C1orf146: variants seen among roughly 807,000 people sequenced by gnomAD.
The protein encoded by C1orf146 is chromosome 1 open reading frame 146.
A neutral mutation model predicts 23.0 loss-of-function variants in C1orf146; 22 were observed. The ratio of observed to expected loss-of-function variants is 0.96; its 90% CI spans 0.68 to 1.36. The LOEUF (loss-of-function observed/expected upper bound fraction) is 1.36, where lower values mean the gene tolerates loss of function less well. C1orf146 is among the 40% of genes most tolerant of loss of function. The pLI, the probability that C1orf146 is intolerant of heterozygous loss-of-function variation, is 0.00. For synonymous variants in C1orf146, 59 were observed against 65.3 expected (o/e 0.90, Z 0.47); for missense variants, 199 against 206.8 (o/e 0.96, Z 0.23).
chr1:92,230,362 C>T (rs1287895322), intron 1 of C1orf146, among the ~76,000 whole-genome samples: 2 of 151,766 alleles, frequency 1.3e-5, no homozygotes, highest in Non-Finnish European at 2.9e-5. Flanking sequence ...CCTGTAATCC[C>T]AGCACTTTGG....
chr1:92,238,120 G>GTAAA (rs1652341919), intron 2 of C1orf146, among the ~76,000 whole-genome samples: 1 of 151,992 alleles, frequency 6.6e-6, no homozygotes, highest in Non-Finnish European at 1.5e-5. Flanking sequence ...GTAGAGACGG[G>GTAAA]GTTTCACCAT....
intron 2 of C1orf146, among the ~76,000 whole-genome samples, chr1:92,231,776 A>G (rs1652128736): frequency 6.6e-6 from 1 of 151,868 alleles, no homozygotes. Context: ...AACAGTAAAG[A>G]TATGCAAATA....
chr1:92,225,370 G>A (rs1651942017), intron 1 of C1orf146, among the ~76,000 whole-genome samples: 1 of 152,204 alleles, frequency 6.6e-6, no homozygotes. Context: ...GCTCCCCAAA[G>A]TGTTGGGATT....
At position 92,231,450 on chromosome 1, in the gene C1orf146, A is replaced by G. The variant is rs771233199; in HGVS notation, c.30A>G (p.Lys10=). MAESGKEKI[K]WTTTIIISSS... is the part of the protein sequence containing the mutation. ...CTGAAAGTGGAAAAGAAAAAATAAA[A>G]TGGACAACCACCATTATTATTAGCT... Residue 10 remains lysine, a synonymous_variant, in exon 2 of 6, where the codon AAA becomes AAG. Coordinates refer to ENST00000370375, the MANE Select transcript of C1orf146 (RefSeq NM_001012425.2). 7 of 1,611,588 alleles carry G rather than the reference A, an allele frequency of 4.3e-6. No individual in the cohort carries two copies. In the East Asian group the frequency reaches 1.3e-4, roughly 31 times the overall value.
Position 92,222,243 on chromosome 1 carries a change from AAAAT to A in C1orf146, c.-40+4201_-40+4204del, listed in dbSNP as rs546552109. The stretch of plus-strand genomic sequence containing the variant: ...GTGACAGAGTGAGATTCCGTCTCAA[AAAAT>A]AAATACAGGCATTTGTGTGCATGTG... On this transcript the variant is annotated intron_variant, in intron 1 of 5. Transcript: ENST00000370375. Among the ~76,000 whole-genome samples, 18 of 152,316 alleles carry A rather than the reference AAAAT, an allele frequency of 1.2e-4. 1 individual carries two copies. Among genetic ancestry groups the A allele is most frequent in the African/African-American group, 4.1e-4 (17 of 41,568 alleles).
intron 1 of C1orf146, among the ~76,000 whole-genome samples, chr1:92,229,830 AAAAG>A (rs1042088574): frequency 1.6e-4 from 25 of 152,158 alleles, no homozygotes; most frequent in African/African-American, 6.0e-4. Flanking sequence ...ATATATAAGA[AAAAG>A]AAAAAAGTAA....
intron 2 of C1orf146, among the ~76,000 whole-genome samples, chr1:92,235,271 A>C (rs1340811090): frequency 1.3e-5 from 2 of 152,022 alleles, no homozygotes; most frequent in East Asian, 3.8e-4. Context: ...CCCTCTACAC[A>C]CTGCTTTGAA....
intron 1 of C1orf146, among the ~76,000 whole-genome samples, chr1:92,221,993 G>C (rs1651827288): frequency 6.6e-6 from 1 of 152,148 alleles, no homozygotes; most frequent in Non-Finnish European, 1.5e-5. Flanking sequence ...TGTAATCCCA[G>C]CACTTTGGGA....
chr1:92,218,947 A>G (rs1393046864), intron 1 of C1orf146, among the ~76,000 whole-genome samples: 1 of 152,134 alleles, frequency 6.6e-6, no homozygotes, highest in East Asian at 1.9e-4. Context: ...GGGACTTGGG[A>G]CACGACTGAC....
intron 1 of C1orf146, among the ~76,000 whole-genome samples, chr1:92,222,756 T>G (rs563662817): frequency 1.3e-5 from 2 of 151,756 alleles, no homozygotes; most frequent in Non-Finnish European, 2.9e-5. Context: ...CCGGCTAATT[T>G]TTTGTATTTT....
chr1:92,233,751 G>A (rs1196288734), intron 2 of C1orf146, among the ~76,000 whole-genome samples: 2 of 152,178 alleles, frequency 1.3e-5, no homozygotes, highest in African/African-American at 4.8e-5. Context: ...AGCATGGAAT[G>A]TTCTTCCATT....
chr1:92,233,977 C>G (rs1429460132), intron 2 of C1orf146, among the ~76,000 whole-genome samples: 5 of 152,162 alleles, frequency 3.3e-5, no homozygotes, highest in Admixed American at 2.0e-4. Context: ...TGAGACTTTG[C>G]TGAAGTTGCT....
chr1:92,229,526 G>A, intron 1 of C1orf146: 1 of 408,188 alleles, frequency 2.4e-6, no homozygotes, highest in South Asian at 2.1e-5. Flanking sequence ...CCGGAAGTTT[G>A]GCTAACTTTT....
intron 1 of C1orf146, chr1:92,229,011 A>G (rs570148253): frequency 1.3e-5 from 6 of 472,694 alleles, no homozygotes; most frequent in Non-Finnish European, 2.1e-5. Flanking sequence ...CTCACAGTCT[A>G]TTTAGAAGCA....
intron 5 of C1orf146, 31 bp downstream of exon 5, chr1:92,244,888 C>CACAT (rs1434805481): frequency 7.9e-7 from 1 of 1,263,786 alleles, no homozygotes; most frequent in South Asian, 1.3e-5. Flanking sequence ...GACACATACA[C>CACAT]ACATACATTT....
intron 1 of C1orf146, among the ~76,000 whole-genome samples, chr1:92,230,314 A>G (rs1570790306): frequency 1.3e-5 from 1 of 74,342 alleles, no homozygotes; most frequent in Non-Finnish European, 2.8e-5. Context: ...ACAATAAGTT[A>G]AAAAAAAAAA....
At chr1:92,234,912 G>C (rs1361547880) in intron 2 of C1orf146, among the ~76,000 whole-genome samples, 2 of 152,196 alleles carry the variant, frequency 1.3e-5, no homozygotes, top group African/African-American at 4.8e-5. Flanking sequence ...GGTGTTTGTA[G>C]TATTCTCTGA....
chr1:92,230,015 T>C (rs981448554), intron 1 of C1orf146, among the ~76,000 whole-genome samples: 2 of 152,190 alleles, frequency 1.3e-5, no homozygotes, highest in East Asian at 3.8e-4. Context: ...CACGCTGAAC[T>C]TAAATGCAAT....
At chr1:92,236,407 T>C (rs1314859715) in intron 2 of C1orf146, among the ~76,000 whole-genome samples, 1 of 152,192 alleles carries the variant, frequency 6.6e-6, no homozygotes, top group Non-Finnish European at 1.5e-5. Context: ...GGTTGAAAAT[T>C]CTTTTCTTTA....
Sources: allele counts gnomAD v4.1 joint callset (sites outside exome capture counted in the v4.1 genomes callset), GRCh38; gene constraint gnomAD v4.1.1; transcripts MANE v1.5; gene names NCBI Gene and HGNC (gene_info 2026-07-23, HGNC 2026-07-21).